ZNF148: variants seen among roughly 807,000 people sequenced by gnomAD.
ZNF148 encodes zinc finger protein 148, also known as Beta-Enolase Repressor Factor-1.
A neutral mutation model predicts 67.7 loss-of-function variants in ZNF148; 7 were observed. That is an observed-to-expected ratio of 0.10 (90% CI 0.06 to 0.19). ZNF148 has a LOEUF of 0.19. Ranked by LOEUF, ZNF148 falls within the 10% of genes least tolerant of loss-of-function variation. The pLI is 1.00. For missense variants in ZNF148, 583 were observed against 947.1 expected (o/e 0.62, Z 5.05); for synonymous variants, 333 against 330.7 (o/e 1.01, Z -0.08).
chr3:125,324,821 A>G (rs1940949773), intron 2 of ZNF148, among the ~76,000 whole-genome samples: 1 of 152,216 alleles, frequency 6.6e-6, no homozygotes, highest in Non-Finnish European at 1.5e-5. Context: ...TCAACAGTTT[A>G]TATATTTTTT....
intron 2 of ZNF148, among the ~76,000 whole-genome samples, chr3:125,326,861 G>GAC (rs1941050089): frequency 6.9e-6 from 1 of 145,340 alleles, no homozygotes; most frequent in Admixed American, 6.9e-5. Flanking sequence ...TGTATATAAA[G>GAC]ATATATATAT....
At chr3:125,284,652 C>T (rs1270212526) in intron 5 of ZNF148, among the ~76,000 whole-genome samples, 1 of 152,050 alleles carries the variant, frequency 6.6e-6, no homozygotes, top group Non-Finnish European at 1.5e-5. Context: ...AAAAGGAAAA[C>T]AACACCTTAA....
At chr3:125,252,552 G>A (rs1003756125) in intron 7 of ZNF148, among the ~76,000 whole-genome samples, 2 of 151,974 alleles carry the variant, frequency 1.3e-5, no homozygotes, top group Non-Finnish European at 1.5e-5. Flanking sequence ...GGTGGATCAC[G>A]AGGTCAGGAG....
At chr3:125,242,911 A>G (rs1190697266) in intron 7 of ZNF148, among the ~76,000 whole-genome samples, 1 of 152,222 alleles carries the variant, frequency 6.6e-6, no homozygotes, top group Non-Finnish European at 1.5e-5. Flanking sequence ...GTTTCAATTC[A>G]TAAGCCTTTA....
At chr3:125,286,505 T>C (rs925781105) in intron 5 of ZNF148, among the ~76,000 whole-genome samples, 8 of 152,142 alleles carry the variant, frequency 5.3e-5, no homozygotes, top group African/African-American at 9.7e-5. Flanking sequence ...TCAAGAAATC[T>C]TTCCAAAAGT....
At position 125,279,254 on chromosome 3, in the gene ZNF148, C is replaced by CAAAA. The variant is rs10665336; in HGVS notation, c.460-11_460-8dup. 0.021 allele frequency: 26,861 copies of CAAAA among 1,288,658 alleles called. 26 individuals carry two copies. Among genetic ancestry groups the CAAAA allele is most frequent in the Non-Finnish European group, 0.022 (21,584 of 975,236 alleles). 79.8% of individuals were successfully genotyped at this position (1,288,658 alleles called of 1,614,324 possible). A position where few individuals can be genotyped will look rare whatever the true frequency, so the allele number is the denominator to read the frequency against. Reference sequence around the variant, plus strand: ...CCTCATTTATTGTAAGGATCTAGTTCAAAAAAAAAAAGGCAAAAACAAAAG... The same window carrying CAAAA: ...CCTCATTTATTGTAAGGATCTAGTTCAAAAAAAAAAAAAAAGGCAAAAACAAAAG... On this transcript the variant is annotated splice_polypyrimidine_tract_variant and splice_region_variant and intron_variant, in intron 5 of 8. Coordinates refer to ENST00000360647, the MANE Select transcript of ZNF148 (RefSeq NM_021964.3).
chr3:125,371,578 G>C (rs1015478831), intron 1 of ZNF148, among the ~76,000 whole-genome samples: 14 of 148,382 alleles, frequency 9.4e-5, no homozygotes, highest in Non-Finnish European at 1.5e-4. Flanking sequence ...AGAATTGCTT[G>C]AACCCAGGAG....
intron 7 of ZNF148, among the ~76,000 whole-genome samples, chr3:125,236,292 C>T (rs1269913767): frequency 6.6e-6 from 1 of 152,096 alleles, no homozygotes; most frequent in Non-Finnish European, 1.5e-5. Flanking sequence ...GAACTCCAGG[C>T]TCAAGCAATC....
chr3:125,258,454 G>T (rs922671734), intron 7 of ZNF148, among the ~76,000 whole-genome samples: 9 of 144,140 alleles, frequency 6.2e-5, no homozygotes, highest in Admixed American at 5.5e-4. Context: ...AAGGGGGATA[G>T]CATCTTCCTA....
intron 7 of ZNF148, among the ~76,000 whole-genome samples, chr3:125,259,471 T>C (rs1937238715): frequency 6.6e-6 from 1 of 152,222 alleles, no homozygotes; most frequent in Non-Finnish European, 1.5e-5. Context: ...CATACAGGCA[T>C]ACCTTGGAGA....
At chr3:125,327,014 T>C (rs1941058337) in intron 2 of ZNF148, among the ~76,000 whole-genome samples, 1 of 151,728 alleles carries the variant, frequency 6.6e-6, no homozygotes, top group Admixed American at 6.6e-5. Flanking sequence ...AACTATATGC[T>C]GTCAACAAGA....
chr3:125,327,333 A>T (rs889719494), intron 2 of ZNF148, among the ~76,000 whole-genome samples: 4 of 152,202 alleles, frequency 2.6e-5, no homozygotes, highest in Non-Finnish European at 5.9e-5. Flanking sequence ...GTGACAGAAT[A>T]ATTAGACAGA....
chr3:125,313,260 C>CA, intron 4 of ZNF148, 48 bp downstream of exon 4: 3 of 1,504,476 alleles, frequency 2.0e-6, no homozygotes, highest in Non-Finnish European at 2.7e-6. Context: ...TATTACGTAA[C>CA]AAAAAATTAT....
intron 7 of ZNF148, among the ~76,000 whole-genome samples, chr3:125,245,373 T>C (rs1453544507): frequency 6.6e-6 from 1 of 152,192 alleles, no homozygotes; most frequent in African/African-American, 2.4e-5. Context: ...TTCTCTCACC[T>C]GCCACCACGT....
At chr3:125,247,256 G>A (rs1021810991) in intron 7 of ZNF148, among the ~76,000 whole-genome samples, 1 of 152,226 alleles carries the variant, frequency 6.6e-6, no homozygotes, top group African/African-American at 2.4e-5. Flanking sequence ...GGCAATGTTT[G>A]CCCATTTTGT....
chr3:125,295,238 G>C (rs557012262), intron 4 of ZNF148, among the ~76,000 whole-genome samples: 1 of 151,942 alleles, frequency 6.6e-6, no homozygotes, highest in Non-Finnish European at 1.5e-5. Context: ...GGTGGATCAC[G>C]AGGTCAGAAA....
At chr3:125,255,085 T>C (rs539715638) in intron 7 of ZNF148, among the ~76,000 whole-genome samples, 16 of 152,206 alleles carry the variant, frequency 1.1e-4, no homozygotes, top group African/African-American at 3.6e-4. Context: ...GGAGCATTAA[T>C]TCCATTTACC....
chr3:125,246,959 CTAT>C (rs1343709873), intron 7 of ZNF148, among the ~76,000 whole-genome samples: 2 of 152,092 alleles, frequency 1.3e-5, no homozygotes, highest in African/African-American at 4.8e-5. Context: ...AACCCATATA[CTAT>C]GCAGGAAATT....
intron 2 of ZNF148, among the ~76,000 whole-genome samples, chr3:125,330,285 CA>C (rs1941229764): frequency 6.7e-6 from 1 of 149,460 alleles, no homozygotes; most frequent in Admixed American, 6.6e-5. Context: ...GGCAACATGG[CA>C]AAACCCTATC....
Sources: gnomAD v4.1 joint callset for allele counts (sites outside exome capture counted in the v4.1 genomes callset) on GRCh38, gnomAD v4.1.1 for gene constraint, MANE v1.5 for transcripts, NCBI Gene and HGNC (gene_info 2026-07-23, HGNC 2026-07-21) for gene names.